The following TJP2 variants were observed in gnomAD, a reference collection of about 807,000 sequenced individuals.
TJP2 encodes the protein tight junction protein 2, also known as Friedreich ataxia region gene X104 (tight junction protein ZO-2).
TJP2 carries 91 observed loss-of-function variants against 133.1 expected under a neutral mutation model. That is an observed-to-expected ratio of 0.68 (90% CI 0.58 to 0.81). TJP2 has a LOEUF of 0.81. Among genes scored for constraint, TJP2 ranks in the 40% least tolerant of loss-of-function variants. TJP2 has a pLI of 0.00. For synonymous variants in TJP2, 592 were observed against 583.4 expected (o/e 1.01, Z -0.21); for missense variants, 1,541 against 1,565.6 (o/e 0.98, Z 0.26).
chr9:69,183,125 C>T (rs993705369), intron 1 of TJP2, among the ~76,000 whole-genome samples: 17 of 152,050 alleles, frequency 1.1e-4, no homozygotes, highest in Non-Finnish European at 2.1e-4. Flanking sequence ...TGGTAAAGTA[C>T]ACATAACATT....
At chr9:69,160,776 G>A (rs143241624) in intron 2 of TJP2, among the ~76,000 whole-genome samples, 427 of 152,332 alleles carry the variant, frequency 2.8e-3, no homozygotes, top group African/African-American at 9.7e-3. Flanking sequence ...TAAAAAGCAC[G>A]TCTCACATGG....
intron 2 of TJP2, 33 bp from the exon 3 acceptor site, chr9:69,216,306 G>A (rs545689900): frequency 5.0e-6 from 8 of 1,613,754 alleles, no homozygotes; most frequent in Non-Finnish European, 6.8e-6. Flanking sequence ...ACTTATTGAA[G>A]GATTTTTAAT....
intron 2 of TJP2, 125 bp from the exon 3 acceptor site, chr9:69,216,214 T>C: frequency 1.7e-6 from 2 of 1,160,186 alleles, no homozygotes; most frequent in Admixed American, 4.0e-5. Flanking sequence ...TTTGTTTCTG[T>C]AAGCCCATCT....
chr9:69,161,261 T>C (rs770124837), intron 2 of TJP2, among the ~76,000 whole-genome samples: 11 of 151,998 alleles, frequency 7.2e-5, no homozygotes, highest in Non-Finnish European at 1.3e-4. Flanking sequence ...GGAGTTTCGC[T>C]CTTGTTGCCC....
At chr9:69,230,045 C>T in intron 10 of TJP2, 37 bp from the exon 11 acceptor site, 1 of 1,612,762 alleles carries the variant, frequency 6.2e-7, no homozygotes, top group Admixed American at 1.7e-5. Context: ...TAAAAAATAT[C>T]TCCCATCTTT....
rs530810462 is a variant in TJP2 at position 69,218,275 on chromosome 9, C to G, written c.258C>G (p.Val86=). 2.5e-6 allele frequency: 4 copies of G among 1,613,990 alleles called. No homozygotes were observed. Among genetic ancestry groups the G allele is most frequent in the Middle Eastern group, 1.7e-4 (1 of 6,058 alleles). ...DGLLQENDRV[V]MVNGTPMEDV... ...TTTACAGAGAAAATGACAGAGTGGT[C>G]ATGGTCAATGGCACCCCCATGGAGG... Residue 86 remains valine, a synonymous_variant, in exon 4 of 23, where the codon GTC becomes GTG. Transcript: ENST00000377245.
intron 1 of TJP2, among the ~76,000 whole-genome samples, chr9:69,148,919 T>C (rs1037832523): frequency 2.0e-5 from 3 of 152,166 alleles, no homozygotes; most frequent in East Asian, 3.8e-4. Flanking sequence ...TGGAGAAAGA[T>C]AGAATAAAAA....
intron 17 of TJP2, among the ~76,000 whole-genome samples, chr9:69,245,165 C>G (rs926531429): frequency 1.3e-5 from 2 of 152,174 alleles, no homozygotes; most frequent in African/African-American, 4.8e-5. Flanking sequence ...TTCGGGTTGT[C>G]TAATGGATCA....
At position 69,236,740 on chromosome 9, in the gene TJP2, C is replaced by A. The variant is rs1020648226; in HGVS notation, c.1992-209C>A. ...AAATTTCACATGTTTATTGCTGAGCCACTTCTGGGAGATTTCACAGAGACC... is the reference window on the plus strand; with the variant it reads ...AAATTTCACATGTTTATTGCTGAGCAACTTCTGGGAGATTTCACAGAGACC... On this transcript the variant is annotated intron_variant, in intron 13 of 22. Transcript: ENST00000377245. Among the ~76,000 whole-genome samples the A allele has an allele frequency of 2.0e-4, 31 of 152,138 alleles. 1 individual carries two copies. The highest frequency in any genetic ancestry group is 2.9e-5 in the Non-Finnish European group (2 of 68,030).
At chr9:69,197,378 T>C (rs138995994) in intron 1 of TJP2, among the ~76,000 whole-genome samples, 1,813 of 152,350 alleles carry the variant, frequency 0.012, 31 homozygotes, top group African/African-American at 0.036. Context: ...CAGTCATCAG[T>C]TGATGGACAT....
chr9:69,244,533 T>G (rs1247527266), intron 17 of TJP2, among the ~76,000 whole-genome samples: 2 of 152,136 alleles, frequency 1.3e-5, no homozygotes, highest in African/African-American at 4.8e-5. Context: ...TTTCTTGAGC[T>G]CAAAAGATAG....
chr9:69,196,976 CA>C (rs1564425768), intron 1 of TJP2, among the ~76,000 whole-genome samples: 5 of 148,672 alleles, frequency 3.4e-5, no homozygotes, highest in African/African-American at 1.2e-4. Flanking sequence ...CACACACACA[CA>C]TGTTTTCTGG....
intron 1 of TJP2, among the ~76,000 whole-genome samples, chr9:69,181,001 G>T (rs58476994): frequency 0.014 from 2,184 of 152,278 alleles, 47 homozygotes; most frequent in African/African-American, 0.05. Context: ...GGGCAGGCTT[G>T]TTGTATAAGC....
chr9:69,224,655 T>C (rs1437187397), intron 5 of TJP2, among the ~76,000 whole-genome samples: 1 of 152,124 alleles, frequency 6.6e-6, no homozygotes, highest in Non-Finnish European at 1.5e-5. Context: ...CCAGCCTGGG[T>C]GACAAAGCAA....
chr9:69,139,863 A>G (rs1822936162), intron 1 of TJP2, among the ~76,000 whole-genome samples: 1 of 152,132 alleles, frequency 6.6e-6, no homozygotes, highest in African/African-American at 2.4e-5. Flanking sequence ...ATAGGGCCCT[A>G]TACTGCCACA....
At chr9:69,137,475 G>A (rs911082859) in intron 1 of TJP2, among the ~76,000 whole-genome samples, 1 of 150,252 alleles carries the variant, frequency 6.7e-6, no homozygotes, top group African/African-American at 2.4e-5. Flanking sequence ...CGATCCTCTC[G>A]CCTCAGCCTC....
At chr9:69,155,609 G>C (rs1417906885) in intron 2 of TJP2, among the ~76,000 whole-genome samples, 1 of 152,252 alleles carries the variant, frequency 6.6e-6, no homozygotes, top group Admixed American at 6.5e-5. Context: ...GCATGGGCTT[G>C]TTTACAGATG....
intron 1 of TJP2, among the ~76,000 whole-genome samples, chr9:69,147,060 G>A (rs926320266): frequency 2.6e-5 from 4 of 152,154 alleles, no homozygotes; most frequent in Non-Finnish European, 5.9e-5. Context: ...GTGTATATGC[G>A]TGGAGAGGGC....
rs1831545939 is a variant in TJP2, at chr9:69,254,241, C to T, written c.3440C>T (p.Ser1147Phe). The T allele has an allele frequency of 1.2e-6, 2 of 1,614,248 alleles. No individual in the cohort carries two copies. Among genetic ancestry groups the T allele is most frequent in the Non-Finnish European group, 1.7e-6 (2 of 1,180,046 alleles). The change falls in exon 23 of 23, where the codon TCC becomes TTC. Residue 1147 changes from serine to phenylalanine, a missense_variant. Ser to Phe is a radical substitution (Grantham distance 155). Transcript: ENST00000377245. ...CCCCCTGAGCCACAGAAAGCTCCTT[C>T]CAGACCTTATCAGGATACCAGAGGA... The part of the protein sequence containing the change: ...SRPPEPQKAP[S>F]RPYQDTRGSY...
Sources: allele counts gnomAD v4.1 joint callset (sites outside exome capture counted in the v4.1 genomes callset), GRCh38; gene constraint gnomAD v4.1.1; transcripts MANE v1.5; gene names NCBI Gene and HGNC (gene_info 2026-07-23, HGNC 2026-07-21).